PDE4D: variants seen among roughly 807,000 people sequenced by gnomAD.
PDE4D encodes the protein phosphodiesterase 4D.
A neutral mutation model predicts 87.4 loss-of-function variants in PDE4D; 24 were observed. That is an observed-to-expected ratio of 0.27 (90% confidence interval 0.20 to 0.39). PDE4D has a LOEUF of 0.39. Among genes scored for constraint, PDE4D ranks in the 10% least tolerant of loss-of-function variants. The pLI is 1.00. For synonymous variants in PDE4D, 384 were observed against 383.2 expected (o/e 1.00, Z -0.02); for missense variants, 714 against 1,041.0 (o/e 0.69, Z 4.32).
chr5:59,977,781 G>C (rs914619836), intron 3 of PDE4D, among the ~76,000 whole-genome samples: 2 of 152,164 alleles, frequency 1.3e-5, no homozygotes, highest in African/African-American at 2.4e-5. Flanking sequence ...TGGCTTCAAA[G>C]CTTCAAAGGA....
intron 1 of PDE4D, among the ~76,000 whole-genome samples, chr5:60,246,865 T>C (rs1004636940): frequency 6.6e-6 from 1 of 151,996 alleles, no homozygotes; most frequent in Non-Finnish European, 1.5e-5. Flanking sequence ...CTTGGTTGAA[T>C]GGTATCTTTC....
intron 1 of PDE4D, among the ~76,000 whole-genome samples, chr5:59,709,824 T>C (rs916200113): frequency 1.3e-5 from 2 of 152,128 alleles, no homozygotes; most frequent in Non-Finnish European, 2.9e-5. Flanking sequence ...TTTTCAAAAA[T>C]AAAGGAAGTA....
intron 1 of PDE4D, among the ~76,000 whole-genome samples, chr5:59,364,088 G>A (rs375614988): frequency 2.3e-4 from 35 of 152,202 alleles, no homozygotes; most frequent in African/African-American, 8.0e-4. Context: ...ACAGCTTATT[G>A]TTGTTATTTG....
At chr5:60,420,842 T>A (rs1269160973) in intron 1 of PDE4D, among the ~76,000 whole-genome samples, 1 of 152,210 alleles carries the variant, frequency 6.6e-6, no homozygotes, top group African/African-American at 2.4e-5. Context: ...AATACTGCGC[T>A]TTTCCCACTG....
At chr5:59,005,611 C>T (rs906979238) in intron 6 of PDE4D, among the ~76,000 whole-genome samples, 1 of 152,160 alleles carries the variant, frequency 6.6e-6, no homozygotes, top group African/African-American at 2.4e-5. Context: ...TCAGACTTGG[C>T]TTCACCAAAT....
At chr5:59,723,802 T>A (rs1756204967) in intron 1 of PDE4D, among the ~76,000 whole-genome samples, 2 of 152,184 alleles carry the variant, frequency 1.3e-5, no homozygotes, top group South Asian at 4.1e-4. Context: ...ACAGCTGGGT[T>A]TGAAAAAGTG....
intron 1 of PDE4D, among the ~76,000 whole-genome samples, chr5:59,555,273 C>T (rs993248201): frequency 6.6e-6 from 1 of 152,122 alleles, no homozygotes; most frequent in Non-Finnish European, 1.5e-5. Context: ...TGTATGCTCT[C>T]ACTTGTAAGT....
rs924901373 is a variant in PDE4D at position 60,221,824 on chromosome 5, T to A, written c.-89-36137A>T. On this transcript the variant is annotated intron_variant, in intron 1 of 16. Transcript: ENST00000502484. ...AGGCATTTCCAATGTGTGAATATAC[T>A]ACAGTTTGTTTATCCAGACTCCTGT... is the stretch of plus-strand genomic sequence containing the variant. Among the ~76,000 whole-genome samples, 6 of 152,292 alleles carry A rather than the reference T, an allele frequency of 3.9e-5. No homozygotes were observed. The East Asian group carries it at 7.7e-4, about 20-fold the overall frequency.
intron 1 of PDE4D, among the ~76,000 whole-genome samples, chr5:60,311,222 A>C (rs1241029872): frequency 4.6e-5 from 7 of 152,156 alleles, no homozygotes. Flanking sequence ...GGGTTTCTCC[A>C]TGTTGGTCAG....
rs185173172 is a variant in PDE4D, at chr5:59,126,714, C to T, written c.808+53881G>A. The stretch of plus-strand genomic sequence containing the variant: ...TATGTGCCTATGTCCTTTTGTTTCC[C>T]GGCTAACATTTCCACATCTCGGAAA... On this transcript the variant is annotated intron_variant, in intron 5 of 14. Coordinates refer to ENST00000340635, the MANE Select transcript of PDE4D (RefSeq NM_001104631.2). Among the ~76,000 whole-genome samples the T allele has an allele frequency of 2.6e-4, 39 of 152,274 alleles. No individual in the cohort carries two copies. The East Asian group carries it at 4.1e-3, about 16-fold the overall frequency.
intron 1 of PDE4D, among the ~76,000 whole-genome samples, chr5:60,199,230 G>A (rs1413004958): frequency 1.3e-5 from 2 of 151,648 alleles, no homozygotes; most frequent in Non-Finnish European, 3.0e-5. Flanking sequence ...AAATTCAAAG[G>A]CTCTGAATAT....
intron 2 of PDE4D, among the ~76,000 whole-genome samples, chr5:60,075,449 T>A (rs12697184): frequency 0.018 from 2,680 of 152,308 alleles, 72 homozygotes; most frequent in African/African-American, 0.059. Context: ...ATTTTTTCTA[T>A]CATTTCAACC....
intron 1 of PDE4D, among the ~76,000 whole-genome samples, chr5:60,434,727 C>T (rs894968758): frequency 1.3e-5 from 2 of 152,092 alleles, no homozygotes; most frequent in Non-Finnish European, 2.9e-5. Flanking sequence ...TTCCATCTCT[C>T]ACTCAAACCT....
intron 1 of PDE4D, among the ~76,000 whole-genome samples, chr5:60,236,154 G>C (rs1457157707): frequency 6.7e-6 from 1 of 148,208 alleles, no homozygotes; most frequent in Admixed American, 6.8e-5. Flanking sequence ...TAGAAGACAG[G>C]AGAAAAATGT....
intron 2 of PDE4D, among the ~76,000 whole-genome samples, chr5:59,207,636 G>A (rs1433701454): frequency 3.9e-5 from 6 of 151,948 alleles, no homozygotes; most frequent in Non-Finnish European, 8.8e-5. Flanking sequence ...CTTCTGGCAG[G>A]AATTCAGTGT....
Position 59,130,573 on chromosome 5 carries a change from G to A in PDE4D, c.808+50022C>T, listed in dbSNP as rs116178881. Among the ~76,000 whole-genome samples the A allele has an allele frequency of 8.6e-3, 1,314 of 152,308 alleles. 19 individuals are homozygous for A. The highest frequency in any genetic ancestry group is 0.03 in the African/African-American group (1,233 of 41,564). ...GCAAATTACAGCCATGACTGTTTAA[G>A]TTGGCTAACCCAAATTTCGTAAGTG... On this transcript the variant is annotated intron_variant, in intron 5 of 14. Coordinates refer to ENST00000340635, the MANE Select transcript of PDE4D (RefSeq NM_001104631.2).
At chr5:59,007,823 C>A (rs1751937389) in intron 6 of PDE4D, among the ~76,000 whole-genome samples, 1 of 150,248 alleles carries the variant, frequency 6.7e-6, no homozygotes, top group African/African-American at 2.4e-5. Context: ...TCTAAATGAT[C>A]TTATTTTAAT....
intron 5 of PDE4D, among the ~76,000 whole-genome samples, chr5:59,159,914 C>T (rs1316813222): frequency 6.6e-6 from 1 of 152,088 alleles, no homozygotes; most frequent in South Asian, 2.1e-4. Context: ...AATTAAAGTG[C>T]AGCCAGATTT....
At chr5:60,315,919 G>T (rs1257746268) in intron 1 of PDE4D, among the ~76,000 whole-genome samples, 1 of 152,136 alleles carries the variant, frequency 6.6e-6, no homozygotes. Flanking sequence ...GTCAGGTAGC[G>T]TGATGCTTCC....
Sources: allele counts gnomAD v4.1 joint callset (sites outside exome capture counted in the v4.1 genomes callset), GRCh38; gene constraint gnomAD v4.1.1; transcripts MANE v1.5; gene names NCBI Gene and HGNC (gene_info 2026-07-23, HGNC 2026-07-21).